CAPN8: variants seen among roughly 807,000 people sequenced by gnomAD.
CAPN8 encodes calpain 8.
A neutral mutation model predicts 80.9 loss-of-function variants in CAPN8; 87 were observed. The observed-to-expected ratio is 1.07, with a 90% CI of 0.90 to 1.28. The LOEUF (loss-of-function observed/expected upper bound fraction) is 1.28. Ranked by LOEUF, CAPN8 falls within the 50% of genes most tolerant of loss-of-function variation. CAPN8 has a pLI of 0.00. For missense variants in CAPN8, 757 were observed against 702.0 expected, an observed-to-expected ratio of 1.08 and a Z score of -0.89; for synonymous variants, 299 against 273.8, an observed-to-expected ratio of 1.09 and a Z score of -0.91.
Position 223,612,237 on chromosome 1 carries a change from C to A in CAPN8, c.1323+9G>T. ...CCAAAGGAAGGAATCTCTGTCAGCACTCACATACCTCCTTGGGAACCTGTG... is the reference window on the plus strand; with the variant it reads ...CCAAAGGAAGGAATCTCTGTCAGCAATCACATACCTCCTTGGGAACCTGTG... On this transcript the variant is annotated intron_variant, in intron 11 of 20. Transcript: ENST00000366872. 7 of 1,234,334 alleles carry A rather than the reference C, an allele frequency of 5.7e-6. No individual in the cohort carries two copies. The highest frequency in any genetic ancestry group is 7.1e-6 in the Non-Finnish European group (7 of 988,120). The allele number at this position is 1,234,334 out of a possible 1,614,324, so 76.5% of individuals were successfully genotyped here.
rs1313611774 is a variant in CAPN8 at position 223,558,122 on chromosome 1, A to G, written c.1572+9T>C. The G allele has an allele frequency of 5.0e-6, 2 of 398,634 alleles. No homozygotes were observed. The highest frequency in any genetic ancestry group is 2.1e-5 in the African/African-American group (1 of 48,764). 24.7% of individuals were successfully genotyped at this position (398,634 alleles called of 1,614,324 possible). A position where few individuals can be genotyped will look rare whatever the true frequency, so the allele number is the denominator to read the frequency against. On this transcript the variant is annotated intron_variant, in intron 13 of 20. Coordinates refer to ENST00000366872, the MANE Select transcript of CAPN8 (RefSeq NM_001143962.2). ...GTGTCAGAGTTTGGCATACAAAAAGATTGCATACCTCATATGGGTTTCCAG... is the reference window on the plus strand; with the variant it reads ...GTGTCAGAGTTTGGCATACAAAAAGGTTGCATACCTCATATGGGTTTCCAG...
At chr1:223,549,441 A>G in intron 15 of CAPN8, 59 bp from the exon 16 acceptor site, 4 of 1,549,742 alleles carry the variant, frequency 2.6e-6, no homozygotes, top group Non-Finnish European at 3.5e-6. Flanking sequence ...TGAGGGAAAG[A>G]ACCTCCACGG....
chr1:223,632,840 G>T (rs990125653), intron 2 of CAPN8, among the ~76,000 whole-genome samples: 1 of 152,236 alleles, frequency 6.6e-6, no homozygotes, highest in Non-Finnish European at 1.5e-5. Context: ...GCTTTAAGCA[G>T]AGGTGCACTT....
In CAPN8 at chr1:223,619,383, T is replaced by C; in HGVS notation, c.1045A>G (p.Ser349Gly). The change falls in exon 9 of 21, where the codon AGT (serine) becomes GGT (glycine). Residue 349 changes from serine (S) to glycine (G), a missense_variant. Coordinates refer to ENST00000366872, the MANE Select transcript of CAPN8 (RefSeq NM_001143962.2). ...EICNLSPDSLSSEEVHKWNLV... is the reference protein window; with the variant it reads ...EICNLSPDSLGSEEVHKWNLV... ...TTCCATTTGTGCACCTCCTCGCTAC[T>C]CAGAGAGTCCGGGGACAGGTTGCAG... is the stretch of plus-strand genomic sequence containing the variant. 2 of 1,551,632 alleles carry C rather than the reference T, an allele frequency of 1.3e-6. No individual in the cohort carries two copies. Among genetic ancestry groups the C allele is most frequent in the South Asian group, 1.2e-5 (1 of 84,056 alleles).
chr1:223,612,340 C>A, intron 10 of CAPN8, 83 bp from the exon 11 acceptor site: 1 of 1,194,826 alleles, frequency 8.4e-7, no homozygotes. Flanking sequence ...CTATGTCTTG[C>A]AAACAGACTG....
intron 9 of CAPN8, chr1:223,618,217 T>C (rs1037531696): frequency 6.5e-7 from 1 of 1,550,368 alleles, no homozygotes; most frequent in South Asian, 1.2e-5. Context: ...TCCTTAGAGA[T>C]GTGGGGCTGT....
chr1:223,644,193 A>C (rs933615835), intron 2 of CAPN8: 5 of 373,844 alleles, frequency 1.3e-5, no homozygotes, highest in Non-Finnish European at 2.1e-5. Context: ...TTTTAGAATA[A>C]ATCTCTTCTG....
intron 1 of CAPN8, among the ~76,000 whole-genome samples, chr1:223,664,342 C>A (rs1039507373): frequency 6.6e-6 from 1 of 152,202 alleles, no homozygotes; most frequent in Non-Finnish European, 1.5e-5. Context: ...AATTTACCTG[C>A]CAGCTGATTG....
At chr1:223,558,199 T>C (rs961449386) in intron 12 of CAPN8, 32 bp from the exon 13 acceptor site, 35,749 of 398,416 alleles carry the variant, frequency 0.09, 1,850 homozygotes, top group Non-Finnish European at 0.11. Flanking sequence ...AAACCAAACA[T>C]GAGTAAGTAA....
intron 7 of CAPN8, 82 bp downstream of exon 7, chr1:223,622,733 A>G (rs1251215053): frequency 9.5e-7 from 1 of 1,056,088 alleles, no homozygotes; most frequent in East Asian, 2.6e-5. Context: ...TCACTGTGAC[A>G]TCGATCTCAT....
chr1:223,629,224 G>A (rs182485126), intron 2 of CAPN8, among the ~76,000 whole-genome samples: 1 of 150,688 alleles, frequency 6.6e-6, no homozygotes, highest in African/African-American at 2.4e-5. Flanking sequence ...GTGTGTGTGT[G>A]TGTGTGTTTA....
At position 223,548,958 on chromosome 1, in the gene CAPN8, G is replaced by T. The variant is rs553674008; in HGVS notation, c.1764+360C>A. 6.6e-5 allele frequency among the ~76,000 whole-genome samples: 10 copies of T among 152,060 alleles called. No homozygotes were observed. The South Asian group carries it at 2.1e-3, about 32-fold the overall frequency. On this transcript the variant is annotated intron_variant, in intron 16 of 20. Transcript: ENST00000366872. ...CGGTAGAGGGTGGGGGTGGGGACGGGTAGAATTGAAGGGGAGGAGGAAGAT... is the reference window on the plus strand; with the variant it reads ...CGGTAGAGGGTGGGGGTGGGGACGGTTAGAATTGAAGGGGAGGAGGAAGAT...
chr1:223,552,871 A>G (rs1656827584), intron 14 of CAPN8, among the ~76,000 whole-genome samples: 1 of 152,212 alleles, frequency 6.6e-6, no homozygotes, highest in African/African-American at 2.4e-5. Context: ...TCTTAATAAA[A>G]TATGGCCCTT....
At chr1:223,652,652 T>C (rs1369032372) in intron 2 of CAPN8, among the ~76,000 whole-genome samples, 1 of 152,090 alleles carries the variant, frequency 6.6e-6, no homozygotes, top group East Asian at 1.9e-4. Context: ...CGCTCTGGGT[T>C]ATAGCCTTGG....
At chr1:223,660,863 C>T (rs1312230370) in intron 1 of CAPN8, among the ~76,000 whole-genome samples, 1 of 152,056 alleles carries the variant, frequency 6.6e-6, no homozygotes, top group Non-Finnish European at 1.5e-5. Context: ...AAGCAAACGA[C>T]ACAATTAAAA....
intron 2 of CAPN8, among the ~76,000 whole-genome samples, chr1:223,652,364 C>CT (rs370045120): frequency 8.9e-4 from 135 of 152,046 alleles, no homozygotes; most frequent in Non-Finnish European, 1.6e-3. Flanking sequence ...ATATAAACAT[C>CT]TTTTTTAGAA....
chr1:223,550,244 G>A (rs961788860), intron 15 of CAPN8, among the ~76,000 whole-genome samples: 17 of 152,182 alleles, frequency 1.1e-4, no homozygotes, highest in Non-Finnish European at 2.1e-4. Context: ...GAGCCCTGGG[G>A]ATCCATCTGC....
Position 223,619,354 on chromosome 1 carries a change from C to T in CAPN8, c.1074G>A (p.Leu358=). The T allele has an allele frequency of 6.4e-7, 1 of 1,551,690 alleles. No individual in the cohort carries two copies. The highest frequency in any genetic ancestry group is 8.7e-7 in the Non-Finnish European group (1 of 1,146,998). The part of the protein sequence containing the change: ...LSSEEVHKWN[L]VLFNGHWTRG... ...GGGTCCAGTGGCCGTTGAACAGGAC[C>T]AGGTTCCATTTGTGCACCTCCTCGC... The change falls in exon 9 of 21, where the codon CTG becomes CTA. Residue 358 remains leucine, a synonymous_variant. Coordinates refer to ENST00000366872, the MANE Select transcript of CAPN8 (RefSeq NM_001143962.2).
intron 14 of CAPN8, 38 bp downstream of exon 14, chr1:223,553,794 C>T (rs1019955392): frequency 4.8e-5 from 19 of 398,626 alleles, no homozygotes; most frequent in African/African-American, 2.7e-4. Context: ...TGAATATTCT[C>T]CTGCCCACCT....
Sources: allele counts gnomAD v4.1 joint callset (sites outside exome capture counted in the v4.1 genomes callset), GRCh38; gene constraint gnomAD v4.1.1; transcripts MANE v1.5; gene names NCBI Gene and HGNC (gene_info 2026-07-23, HGNC 2026-07-21).